The following PAPPA2 variants were observed in gnomAD, a reference collection of about 807,000 sequenced individuals.
The protein encoded by PAPPA2 is pappalysin-2.
In PAPPA2, 86 loss-of-function variants were observed where a neutral mutation model predicts 176.4. The ratio of observed to expected loss-of-function variants is 0.49; its 90% CI spans 0.41 to 0.58. PAPPA2 has a LOEUF of 0.58. Ranked by LOEUF, PAPPA2 falls within the 20% of genes least tolerant of loss-of-function variation. The pLI is 0.00. For synonymous variants in PAPPA2, 809 were observed against 852.2 expected, an observed-to-expected ratio of 0.95 and a Z score of 0.88; for missense variants, 2,073 against 2,256.9, an observed-to-expected ratio of 0.92 and a Z score of 1.65.
At chr1:176,575,837 T>C (rs1024330867) in intron 2 of PAPPA2, among the ~76,000 whole-genome samples, 5 of 152,250 alleles carry the variant, frequency 3.3e-5, no homozygotes, top group African/African-American at 1.2e-4. Context: ...AATCTGTACT[T>C]AGGAAATTAA....
chr1:176,589,117 G>A (rs765844642), intron 2 of PAPPA2, among the ~76,000 whole-genome samples: 2 of 152,116 alleles, frequency 1.3e-5, no homozygotes, highest in Non-Finnish European at 2.9e-5. Flanking sequence ...CTTTACAGAG[G>A]CCACATTCAA....
rs137923210 is a variant in PAPPA2 at position 176,551,137 on chromosome 1, C to A, written c.-916-4270C>A. On this transcript the variant is annotated intron_variant, in intron 1 of 22. Coordinates refer to ENST00000367662, the MANE Select transcript of PAPPA2 (RefSeq NM_020318.3). ...ATTACCCTGAAGGAATCACAAGTTA[C>A]CCCCGAAAGATAGAGCCCGACTCCC... Among the ~76,000 whole-genome samples the A allele has an allele frequency of 5.3e-5, 8 of 152,282 alleles. No individual in the cohort carries two copies. In the East Asian group the frequency reaches 1.3e-3, roughly 26 times the overall value.
intron 3 of PAPPA2, among the ~76,000 whole-genome samples, chr1:176,624,309 A>G (rs1174382118): frequency 6.6e-6 from 1 of 152,178 alleles, no homozygotes; most frequent in Non-Finnish European, 1.5e-5. Context: ...ACCTGAGGAA[A>G]TAGTGTGGAT....
At chr1:176,472,421 A>G (rs1173592791) in intron 1 of PAPPA2, among the ~76,000 whole-genome samples, 1 of 152,168 alleles carries the variant, frequency 6.6e-6, no homozygotes, top group African/African-American at 2.4e-5. Context: ...TCCTTTTCAC[A>G]TGATCCTAGT....
At chr1:176,552,813 G>A (rs568277389) in intron 1 of PAPPA2, among the ~76,000 whole-genome samples, 47 of 152,200 alleles carry the variant, frequency 3.1e-4, no homozygotes, top group East Asian at 9.7e-4. Flanking sequence ...CAGTCTGATC[G>A]CCACAGATAG....
intron 1 of PAPPA2, among the ~76,000 whole-genome samples, chr1:176,498,693 T>C (rs931141916): frequency 6.7e-5 from 10 of 150,002 alleles, no homozygotes; most frequent in Admixed American, 6.0e-4. Context: ...GAAGTTGCAG[T>C]GAGCCGAGAT....
At position 176,677,067 on chromosome 1, in the gene PAPPA2, T is replaced by C. The variant is rs1005943299; in HGVS notation, c.2137+5952T>C. On this transcript the variant is annotated intron_variant, in intron 4 of 22. Transcript: ENST00000367662. ...AAAACTAGACTGAACAGCTCACAGA[T>C]ATGATTCAATAGGAAATTGTTTGTG... is the stretch of plus-strand genomic sequence containing the variant. Among the ~76,000 whole-genome samples the C allele has an allele frequency of 4.6e-5, 7 of 152,182 alleles. No individual in the cohort carries two copies. In the South Asian group the frequency reaches 1.4e-3, roughly 32 times the overall value.
intron 4 of PAPPA2, among the ~76,000 whole-genome samples, chr1:176,674,676 GGACTGGTTC>G (rs1659190181): frequency 2.0e-5 from 3 of 149,854 alleles, no homozygotes; most frequent in Admixed American, 6.7e-5. Flanking sequence ...ATGGACGTTT[GGACTGGTTC>G]CATATTGCTG....
At chr1:176,535,384 A>T (rs1003518336) in intron 1 of PAPPA2, among the ~76,000 whole-genome samples, 4 of 152,176 alleles carry the variant, frequency 2.6e-5, no homozygotes, top group African/African-American at 9.7e-5. Flanking sequence ...TTTTTGTAAG[A>T]GCGGAATTCG....
intron 2 of PAPPA2, among the ~76,000 whole-genome samples, chr1:176,562,263 G>T (rs1370445765): frequency 6.6e-6 from 1 of 152,124 alleles, no homozygotes; most frequent in Non-Finnish European, 1.5e-5. Flanking sequence ...TTCACAGAAT[G>T]CTGAAACATC....
At chr1:176,755,521 T>A (rs1663372999) in intron 14 of PAPPA2, among the ~76,000 whole-genome samples, 1 of 152,214 alleles carries the variant, frequency 6.6e-6, no homozygotes, top group African/African-American at 2.4e-5. Context: ...AGGCTATGAA[T>A]GTAGTTGGGG....
At chr1:176,791,622 C>T in intron 19 of PAPPA2, 140 bp downstream of exon 19, 1 of 929,262 alleles carries the variant, frequency 1.1e-6, no homozygotes, top group Non-Finnish European at 1.6e-6. Flanking sequence ...GGCACAGTCT[C>T]AGCTCACTGC....
intron 3 of PAPPA2, among the ~76,000 whole-genome samples, chr1:176,651,237 T>C (rs1001292341): frequency 4.0e-5 from 6 of 151,664 alleles, no homozygotes; most frequent in African/African-American, 1.2e-4. Context: ...TTTATACCTG[T>C]AAATATTTTC....
chr1:176,811,862 G>T (rs958939225), intron 21 of PAPPA2, among the ~76,000 whole-genome samples: 1 of 152,100 alleles, frequency 6.6e-6, no homozygotes, highest in Non-Finnish European at 1.5e-5. Context: ...TTAGGACTAG[G>T]TTTTCATTTT....
At chr1:176,799,027 T>C (rs1407270090) in intron 20 of PAPPA2, among the ~76,000 whole-genome samples, 1 of 152,216 alleles carries the variant, frequency 6.6e-6, no homozygotes, top group Non-Finnish European at 1.5e-5. Flanking sequence ...GATTACACAT[T>C]GTTAGCTTTC....
chr1:176,716,114 C>G (rs1408799168), intron 12 of PAPPA2, among the ~76,000 whole-genome samples: 3 of 151,594 alleles, frequency 2.0e-5, no homozygotes, highest in Admixed American at 1.3e-4. Context: ...GGTTGACTAT[C>G]AAAAATGTTC....
intron 3 of PAPPA2, among the ~76,000 whole-genome samples, chr1:176,627,487 G>T (rs993574503): frequency 1.3e-5 from 2 of 152,068 alleles, no homozygotes; most frequent in African/African-American, 4.8e-5. Context: ...CTGGTCGAAA[G>T]CTCTTATCCA....
In PAPPA2 at chr1:176,606,161, A is replaced by T. The variant is rs907141126; in HGVS notation, c.1991+10566A>T. Among the ~76,000 whole-genome samples, 2 of 151,980 alleles carry T rather than the reference A, an allele frequency of 1.3e-5. 1 individual carries two copies. The highest frequency in any genetic ancestry group is 2.9e-5 in the Non-Finnish European group (2 of 67,988). On this transcript the variant is annotated intron_variant, in intron 3 of 22. Transcript: ENST00000367662. Reference sequence around the variant, plus strand: ...ATTTAATGCTCACCATAGCTCCAAAAAGTAAATATTTTGATTATATGTATT... The same window carrying T: ...ATTTAATGCTCACCATAGCTCCAAATAGTAAATATTTTGATTATATGTATT...
At chr1:176,703,920 C>T (rs781128729) in intron 9 of PAPPA2, among the ~76,000 whole-genome samples, 9 of 152,218 alleles carry the variant, frequency 5.9e-5, no homozygotes, top group Non-Finnish European at 1.2e-4. Flanking sequence ...GTCCACTTGA[C>T]ACTGTTGTTG....
Sources: allele counts gnomAD v4.1 joint callset (sites outside exome capture counted in the v4.1 genomes callset), GRCh38; gene constraint gnomAD v4.1.1; transcripts MANE v1.5; gene names NCBI Gene and HGNC (gene_info 2026-07-23, HGNC 2026-07-21).